TRIM49C: variants seen among roughly 807,000 people sequenced by gnomAD.
TRIM49C encodes the protein tripartite motif containing 49C.
Under a neutral mutation model 21.4 loss-of-function variants are expected in TRIM49C, and 6 were observed. The ratio of observed to expected loss-of-function variants is 0.28; its 90% CI spans 0.15 to 0.55. The LOEUF (loss-of-function observed/expected upper bound fraction) is 0.55, where lower values mean the gene tolerates loss of function less well. Among genes scored for constraint, TRIM49C ranks in the 20% least tolerant of loss-of-function variants. TRIM49C has a pLI of 0.94. For missense variants in TRIM49C, 161 were observed against 442.4 expected (o/e 0.36, Z 5.71); for synonymous variants, 57 against 148.1 (o/e 0.38, Z 4.47).
At chr11:90,055,310 TATG>T in the TRIM49C span, among the ~76,000 whole-genome samples, 1 of 143,908 alleles carries the variant, frequency 6.9e-6, no homozygotes, top group African/African-American at 2.5e-5. Flanking sequence ...AAAATACAAG[TATG>T]ATGTTTCTTG....
the TRIM49C span, among the ~76,000 whole-genome samples, chr11:90,064,794 G>A: frequency 2.7e-5 from 4 of 150,422 alleles, no homozygotes; most frequent in African/African-American, 9.8e-5. Context: ...TGTTGGCCAG[G>A]CTGGTGTCTA....
the TRIM49C span, chr11:90,052,635 C>T: frequency 2.2e-5 from 3 of 138,916 alleles, no homozygotes; most frequent in Non-Finnish European, 4.7e-5. Flanking sequence ...ATGAGGCGGA[C>T]GTGTAAGTGG....
At chr11:90,069,198 G>A in the TRIM49C span, among the ~76,000 whole-genome samples, 5 of 129,606 alleles carry the variant, frequency 3.9e-5, 1 homozygote, top group African/African-American at 1.2e-4. Context: ...TCCGCCTCCC[G>A]GGTTCACGCC....
chr11:90,038,479 A>G lies in TRIM49C; in HGVS notation c.739-214A>G, dbSNP rs1425608050. 1.5e-5 allele frequency among the ~76,000 whole-genome samples: 2 copies of G among 131,734 alleles called. 1 individual carries two copies. 86.4% of individuals were successfully genotyped at this position (131,734 alleles called of 152,430 possible). On this transcript the variant is annotated intron_variant, in intron 5 of 7. Coordinates refer to ENST00000448984, the MANE Select transcript of TRIM49C (RefSeq NM_001195234.1). The stretch of plus-strand genomic sequence containing the variant: ...CTCTTCTCCCTTCACTTCTTTAGAG[A>G]ATGTCTTCAAGACTCAGACTTTCCC...
At chr11:90,061,791 G>A in the TRIM49C span, among the ~76,000 whole-genome samples, 53 of 106,968 alleles carry the variant, frequency 5.0e-4, 16 homozygotes, top group East Asian at 0.014. Context: ...AATTAATTTG[G>A]CTAGCTTGTG....
chr11:90,068,567 A>G, the TRIM49C span, among the ~76,000 whole-genome samples: 2 of 145,102 alleles, frequency 1.4e-5, 1 homozygote, highest in Non-Finnish European at 3.0e-5. Context: ...TCAAAATATC[A>G]AGTGCCTACT....
intron 1 of TRIM49C, among the ~76,000 whole-genome samples, chr11:90,032,047 A>T (rs1950691560): frequency 7.3e-6 from 1 of 136,372 alleles, no homozygotes; most frequent in Admixed American, 8.3e-5. Context: ...AAGCAGGAGG[A>T]TTACTTGGAA....
rs1371302401 is a variant in TRIM49C at position 90,035,218 on chromosome 11, T to G, written c.7T>G (p.Ser3Ala). 3.2e-6 allele frequency: 5 copies of G among 1,574,622 alleles called. 1 individual carries two copies. Among genetic ancestry groups the G allele is most frequent in the Non-Finnish European group, 4.3e-6 (5 of 1,163,080 alleles). The change falls in exon 3 of 8, where the codon TCT becomes GCT. Residue 3 changes from serine to alanine, a missense_variant. By Grantham distance (99) the Ser-to-Ala change is moderately conservative. Transcript: ENST00000448984. MNSGILQVFQGEL... is the reference protein window; with the variant it reads MNAGILQVFQGEL... The stretch of plus-strand genomic sequence containing the variant: ...CTCTTTGTTCCTCAGAAACATGAAT[T>G]CTGGAATCTTACAGGTCTTTCAGGG...
the TRIM49C span, chr11:90,057,804 C>T: frequency 7.3e-6 from 9 of 1,236,598 alleles, 2 homozygotes; most frequent in Admixed American, 5.2e-5. Flanking sequence ...ATAGTGATTG[C>T]TCCTCTTTGA....
intron 4 of TRIM49C, among the ~76,000 whole-genome samples, chr11:90,036,961 T>C (rs1646934758): frequency 7.4e-6 from 1 of 134,386 alleles, no homozygotes; most frequent in South Asian, 2.5e-4. Flanking sequence ...CACTGAAAAA[T>C]TCAAATTGAA....
chr11:90,038,603 T>C, intron 5 of TRIM49C, 90 bp from the exon 6 acceptor site: 1 of 1,013,652 alleles, frequency 9.9e-7, no homozygotes, highest in Non-Finnish European at 1.4e-6. Flanking sequence ...AATAATATCT[T>C]CAGAAACTGA....
At chr11:90,055,959 T>C in the TRIM49C span, among the ~76,000 whole-genome samples, 2 of 123,738 alleles carry the variant, frequency 1.6e-5, no homozygotes, top group African/African-American at 5.8e-5. Context: ...CTGGATTCTT[T>C]TTTTTTTTTT....
chr11:90,067,770 G>A, the TRIM49C span, among the ~76,000 whole-genome samples: 12 of 138,976 alleles, frequency 8.6e-5, no homozygotes, highest in African/African-American at 2.9e-4. Context: ...AAGGAAAGAA[G>A]ATATTAAGAA....
the TRIM49C span, among the ~76,000 whole-genome samples, chr11:90,064,293 G>C: frequency 1.2e-4 from 18 of 151,464 alleles, no homozygotes; most frequent in African/African-American, 4.1e-4. Flanking sequence ...TGTCAATTCA[G>C]ATGATTAGAG....
At chr11:90,046,885 G>T (rs1329568769), downstream of TRIM49C, among the ~76,000 whole-genome samples, 2 of 124,560 alleles carry the variant, frequency 1.6e-5, 1 homozygote, top group Non-Finnish European at 3.3e-5. Flanking sequence ...GATCTTTCCT[G>T]CTTTCTCTTG....
the TRIM49C span, chr11:90,052,101 G>A: frequency 7.5e-6 from 4 of 530,216 alleles, no homozygotes; most frequent in South Asian, 7.5e-5. Context: ...GCAGGGGCAG[G>A]AGGCTGGCCT....
chr11:90,068,588 AAACAT>A, the TRIM49C span, among the ~76,000 whole-genome samples: 1 of 144,668 alleles, frequency 6.9e-6, no homozygotes, highest in Non-Finnish European at 1.5e-5. Context: ...GTGTCTTAAT[AAACAT>A]TCTAAGCCAA....
chr11:90,069,987 C>T, the TRIM49C span, among the ~76,000 whole-genome samples: 1 of 134,114 alleles, frequency 7.5e-6, no homozygotes, highest in Non-Finnish European at 1.6e-5. Flanking sequence ...TGTCCCTGAA[C>T]TCCCTTGACC....
At chr11:90,068,455 T>C in the TRIM49C span, among the ~76,000 whole-genome samples, 2 of 142,130 alleles carry the variant, frequency 1.4e-5, no homozygotes, top group South Asian at 4.7e-4. Flanking sequence ...AGAAATTGGC[T>C]CTGTGTGAAA....
Sources: gnomAD v4.1 joint callset for allele counts (sites outside exome capture counted in the v4.1 genomes callset) on GRCh38, gnomAD v4.1.1 for gene constraint, MANE v1.5 for transcripts, NCBI Gene and HGNC (gene_info 2026-07-23, HGNC 2026-07-21) for gene names.